Variants in CARMIL1 observed in about 807,000 individuals in gnomAD.
CARMIL1 encodes F-actin-uncapping protein LRRC16A.
CARMIL1 carries 90 observed loss-of-function variants against 177.1 expected under a neutral mutation model. That is an observed-to-expected ratio of 0.51 (90% CI 0.43 to 0.61). CARMIL1 has a LOEUF of 0.61. CARMIL1 is among the 20% of genes least tolerant of loss of function. CARMIL1 has a pLI of 0.00. For missense variants in CARMIL1, 1,380 were observed against 1,667.0 expected (o/e 0.83, Z 3.00); for synonymous variants, 577 against 606.2 (o/e 0.95, Z 0.71).
At chr6:25,426,282 A>G (rs1397206076) in intron 3 of CARMIL1, among the ~76,000 whole-genome samples, 1 of 152,156 alleles carries the variant, frequency 6.6e-6, no homozygotes, top group Non-Finnish European at 1.5e-5. Context: ...CTTTTTTAGT[A>G]AAGTAACACC....
chr6:25,355,825 T>C (rs1452094564), intron 2 of CARMIL1, among the ~76,000 whole-genome samples: 1 of 152,230 alleles, frequency 6.6e-6, no homozygotes, highest in Non-Finnish European at 1.5e-5. Flanking sequence ...CCATTTTTAA[T>C]TGTGCAGTTC....
chr6:25,408,305 A>T (rs1336174341), intron 2 of CARMIL1, among the ~76,000 whole-genome samples: 1 of 151,720 alleles, frequency 6.6e-6, no homozygotes. Flanking sequence ...AAAAAAAAAA[A>T]AAAAAAAAAG....
At position 25,421,282 on chromosome 6, in the gene CARMIL1, A is replaced by G. The variant is rs541230398; in HGVS notation, c.189+1118A>G. 9.3e-4 allele frequency among the ~76,000 whole-genome samples: 142 copies of G among 152,306 alleles called. 1 individual carries two copies. The highest frequency in any genetic ancestry group is 3.2e-3 in the African/African-American group (135 of 41,580). ...AAAAACACATGAAAAAATGCTCACC[A>G]TCACTGGCCATCAGAGAAATGCAAA... is the stretch of plus-strand genomic sequence containing the variant. On this transcript the variant is annotated intron_variant, in intron 3 of 36. Transcript: ENST00000329474.
rs372848909 is a variant in CARMIL1 at position 25,450,313 on chromosome 6, G to A, written c.470-26G>A. 30 of 1,558,584 alleles carry A rather than the reference G, an allele frequency of 1.9e-5. No individual in the cohort carries two copies. The African/African-American group carries it at 3.4e-4, about 18-fold the overall frequency. On this transcript the variant is annotated intron_variant, in intron 6 of 36. Coordinates refer to ENST00000329474, the MANE Select transcript of CARMIL1 (RefSeq NM_017640.6). ...TTAAACATCATTTTGCCAAAGACCT[G>A]TCAGTGTTTTTGTTGTATGTTTCAG...
Position 25,540,038 on chromosome 6 carries a change from TG to T in CARMIL1, c.2290del (p.Ala764LeufsTer7), listed in dbSNP as rs1398491522. On this transcript the variant is annotated frameshift_variant, in exon 26 of 37. Coordinates refer to ENST00000329474, the MANE Select transcript of CARMIL1 (RefSeq NM_017640.6). LOFTEE classifies it high-confidence loss of function. ...SSPIQETLESMAGEVTRVVDE... is the reference protein window; with the variant it reads ...SSPIQETLESXAGEVTRVVDE... The stretch of plus-strand genomic sequence containing the variant: ...CCAATTCAGGAGACCCTGGAATCAA[TG>T]GCTGGAGAAGTTACAAGAGTAGTAG... 1 of 1,610,298 alleles carries T rather than the reference TG, an allele frequency of 6.2e-7. No individual in the cohort carries two copies. Among genetic ancestry groups the T allele is most frequent in the Admixed American group, 1.7e-5 (1 of 59,412 alleles).
At chr6:25,306,696 T>C (rs1052756450) in intron 2 of CARMIL1, among the ~76,000 whole-genome samples, 1 of 152,234 alleles carries the variant, frequency 6.6e-6, no homozygotes, top group Non-Finnish European at 1.5e-5. Context: ...CATACTTCAA[T>C]GGACCTTTGA....
At chr6:25,570,765 G>A (rs907449973) in intron 29 of CARMIL1, among the ~76,000 whole-genome samples, 2 of 152,278 alleles carry the variant, frequency 1.3e-5, no homozygotes, top group African/African-American at 2.4e-5. Flanking sequence ...TGAGTGTAGC[G>A]TGAATAGCTG....
At chr6:25,521,709 C>G (rs2151079774) in intron 23 of CARMIL1, among the ~76,000 whole-genome samples, 1 of 147,794 alleles carries the variant, frequency 6.8e-6, no homozygotes, top group African/African-American at 2.5e-5. Flanking sequence ...ACGGAGCTTG[C>G]AGTGAGCTGA....
At chr6:25,541,643 T>A (rs1290991035) in intron 26 of CARMIL1, among the ~76,000 whole-genome samples, 1 of 152,002 alleles carries the variant, frequency 6.6e-6, no homozygotes, top group African/African-American at 2.4e-5. Context: ...GGGAAAAAAA[T>A]TTTCATTGTG....
chr6:25,380,736 T>C (rs74583808), intron 2 of CARMIL1, among the ~76,000 whole-genome samples: 2,818 of 152,322 alleles, frequency 0.019, 87 homozygotes, highest in East Asian at 0.14. Flanking sequence ...AACCATTTAT[T>C]GTTTTCTTTG....
At chr6:25,564,560 T>C (rs1011956573) in intron 29 of CARMIL1, among the ~76,000 whole-genome samples, 2 of 152,202 alleles carry the variant, frequency 1.3e-5, no homozygotes, top group African/African-American at 4.8e-5. Flanking sequence ...CCAGGTGAGA[T>C]TGCAGGCAAG....
intron 36 of CARMIL1, among the ~76,000 whole-genome samples, chr6:25,613,072 A>C (rs1485635451): frequency 6.6e-6 from 1 of 152,240 alleles, no homozygotes; most frequent in Non-Finnish European, 1.5e-5. Flanking sequence ...GGCAAAAAAA[A>C]TATTGACTTA....
chr6:25,587,365 C>A lies in CARMIL1; in HGVS notation c.3006+5926C>A, dbSNP rs149155244. On this transcript the variant is annotated intron_variant, in intron 31 of 36. Coordinates refer to ENST00000329474, the MANE Select transcript of CARMIL1 (RefSeq NM_017640.6). ...GTAAGAGCAGGATGCTAGGCTCAGC[C>A]AGTGGGCTCTTCCACTCCCTGGCAG... is the stretch of plus-strand genomic sequence containing the variant. 8.1e-3 allele frequency among the ~76,000 whole-genome samples: 1,230 copies of A among 152,220 alleles called. 14 individuals carry two copies. Among genetic ancestry groups the A allele is most frequent in the African/African-American group, 0.025 (1,026 of 41,530 alleles).
intron 8 of CARMIL1, among the ~76,000 whole-genome samples, chr6:25,459,266 C>CTTTCTTTCTTTCTTTTCTT: frequency 1.4e-5 from 1 of 73,768 alleles, no homozygotes; most frequent in African/African-American, 4.9e-5. Context: ...TTCTTTCTTT[C>CTTTCTTTCTTTCTTTTCTT]TTTTTTTTTT....
At chr6:25,441,371 G>GTGTGTGTGTGTC (rs1797773930) in intron 5 of CARMIL1, among the ~76,000 whole-genome samples, 1 of 122,852 alleles carries the variant, frequency 8.1e-6, no homozygotes, top group Non-Finnish European at 1.8e-5. Context: ...GTGTGTGTGT[G>GTGTGTGTGTGTC]TCTATGTGTG....
chr6:25,617,942 G>A (rs1190318120), intron 36 of CARMIL1, among the ~76,000 whole-genome samples: 2 of 152,138 alleles, frequency 1.3e-5, no homozygotes, highest in African/African-American at 2.4e-5. Flanking sequence ...GATAATATTT[G>A]TTTGTTGCTT....
chr6:25,492,041 G>T lies in CARMIL1; in HGVS notation c.1220+17G>T. On this transcript the variant is annotated intron_variant, in intron 15 of 36. Coordinates refer to ENST00000329474, the MANE Select transcript of CARMIL1 (RefSeq NM_017640.6). ...CTCTCACCGGTATAGATTTATTTCTGCTCTCATTGTCATCTGGAAGTGTCT... is the reference window on the plus strand; with the variant it reads ...CTCTCACCGGTATAGATTTATTTCTTCTCTCATTGTCATCTGGAAGTGTCT... 1 of 1,603,410 alleles carries T rather than the reference G, an allele frequency of 6.2e-7. No individual in the cohort carries two copies. Among genetic ancestry groups the T allele is most frequent in the Non-Finnish European group, 8.5e-7 (1 of 1,172,234 alleles).
In CARMIL1 at chr6:25,279,477, G is replaced by C. The variant is rs1780892593; in HGVS notation, c.-319G>C. 2.2e-6 allele frequency: 1 copy of C among 457,030 alleles called. No individual in the cohort carries two copies. Among genetic ancestry groups the C allele is most frequent in the Non-Finnish European group, 4.0e-6 (1 of 251,940 alleles). The allele number at this position is 457,030 out of a possible 1,614,324, so 28.3% of individuals were successfully genotyped here. A position where few individuals can be genotyped will look rare whatever the true frequency, so the allele number is the denominator to read the frequency against. On this transcript the variant is annotated 5_prime_UTR_variant, in exon 1 of 37. Transcript: ENST00000329474. ...GCCCCGCCGGGGACCAGCGAGCCGG[G>C]AGGAGGAGCAGGCGCCACAGCCGCC...
intron 29 of CARMIL1, chr6:25,563,158 G>A (rs1301602690): frequency 1.1e-6 from 1 of 891,200 alleles, no homozygotes; most frequent in Non-Finnish European, 1.3e-6. Context: ...CCAATAGTAA[G>A]TGAAATAATT....
Sources: gnomAD v4.1 joint callset for allele counts (sites outside exome capture counted in the v4.1 genomes callset) on GRCh38, gnomAD v4.1.1 for gene constraint, MANE v1.5 for transcripts, NCBI Gene and HGNC (gene_info 2026-07-23, HGNC 2026-07-21) for gene names.